RIMS4: variants seen among roughly 807,000 people sequenced by gnomAD.
RIMS4 encodes regulating synaptic membrane exocytosis 4, also known as regulating synaptic membrane exocytosis protein 4.
A neutral mutation model predicts 29.0 loss-of-function variants in RIMS4; 9 were observed. The observed-to-expected ratio is 0.31, with a 90% confidence interval of 0.19 to 0.54. The LOEUF (loss-of-function observed/expected upper bound fraction) is 0.54. RIMS4 is among the 20% of genes least tolerant of loss of function. The probability of loss-of-function intolerance (pLI) is 0.94; values close to 1 mark genes in which losing one functional copy is unlikely to be tolerated. For synonymous variants in RIMS4, 130 were observed against 152.9 expected, an observed-to-expected ratio of 0.85 and a Z score of 1.10; for missense variants, 193 against 365.7, an observed-to-expected ratio of 0.53 and a Z score of 3.85.
In RIMS4 at chr20:44,755,113, T is replaced by C. The variant is rs900382653; in HGVS notation, c.*1021A>G. Reference sequence around the variant, plus strand: ...TGGGTTCTGCCCTTAGTATAGGATGTTTTTTTTAAAAAGACTAAAATAGGG... The same window carrying C: ...TGGGTTCTGCCCTTAGTATAGGATGCTTTTTTTAAAAAGACTAAAATAGGG... On this transcript the variant is annotated 3_prime_UTR_variant, in exon 6 of 6. Coordinates refer to ENST00000372851, the MANE Select transcript of RIMS4 (RefSeq NM_182970.4). 7.9e-5 allele frequency: 12 copies of C among 152,394 alleles called. No individual in the cohort carries two copies. The highest frequency in any genetic ancestry group is 2.0e-4 in the Admixed American group (3 of 15,252). 9.4% of individuals were successfully genotyped at this position (152,394 alleles called of 1,614,324 possible).
At chr20:44,790,558 G>A (rs894986782) in intron 1 of RIMS4, among the ~76,000 whole-genome samples, 9 of 152,196 alleles carry the variant, frequency 5.9e-5, no homozygotes, top group Admixed American at 4.6e-4. Flanking sequence ...ATGTTTACCC[G>A]CTGCCACTCC....
At chr20:44,790,750 G>C (rs2066229294) in intron 1 of RIMS4, among the ~76,000 whole-genome samples, 2 of 152,178 alleles carry the variant, frequency 1.3e-5, no homozygotes, top group Non-Finnish European at 2.9e-5. Context: ...CACCAGGTTG[G>C]AAGGAGACAG....
chr20:44,764,320 A>C (rs1290484072), intron 2 of RIMS4, among the ~76,000 whole-genome samples: 1 of 152,196 alleles, frequency 6.6e-6, no homozygotes, highest in East Asian at 1.9e-4. Flanking sequence ...TACATTTCTA[A>C]AAATTACTGT....
chr20:44,808,538 G>C (rs73288463), intron 1 of RIMS4, among the ~76,000 whole-genome samples: 3 of 152,274 alleles, frequency 2.0e-5, no homozygotes, highest in African/African-American at 7.2e-5. Context: ...GCCTTGTCCA[G>C]AATAATAATA....
At chr20:44,770,405 G>A (rs1238631991) in intron 2 of RIMS4, among the ~76,000 whole-genome samples, 1 of 152,172 alleles carries the variant, frequency 6.6e-6, no homozygotes, top group African/African-American at 2.4e-5. Flanking sequence ...ACAGTTATGA[G>A]AAAAGCATGT....
chr20:44,769,008 C>G (rs545030164), intron 2 of RIMS4, among the ~76,000 whole-genome samples: 7 of 152,238 alleles, frequency 4.6e-5, no homozygotes, highest in Admixed American at 2.0e-4. Flanking sequence ...CTGTTATGTC[C>G]CCTTTCTATA....
At chr20:44,799,951 C>T (rs973093383) in intron 1 of RIMS4, among the ~76,000 whole-genome samples, 1 of 152,228 alleles carries the variant, frequency 6.6e-6, no homozygotes, top group African/African-American at 2.4e-5. Context: ...ATTTATTCAT[C>T]TAATCCTCTT....
chr20:44,792,334 C>T (rs2066236486), intron 1 of RIMS4, among the ~76,000 whole-genome samples: 1 of 151,838 alleles, frequency 6.6e-6, no homozygotes, highest in Non-Finnish European at 1.5e-5. Flanking sequence ...CTCTTGTTGC[C>T]CAGGCTGGAG....
chr20:44,764,718 G>A (rs1415880973), intron 2 of RIMS4, among the ~76,000 whole-genome samples: 1 of 152,170 alleles, frequency 6.6e-6, no homozygotes, highest in Non-Finnish European at 1.5e-5. Flanking sequence ...CATTCACCCA[G>A]TGCTCCTCGT....
intron 1 of RIMS4, among the ~76,000 whole-genome samples, chr20:44,806,644 T>C (rs2066299822): frequency 6.6e-6 from 1 of 152,206 alleles, no homozygotes. Context: ...TTCTCAGTAA[T>C]AAGATAGATA....
In RIMS4 at chr20:44,756,331, C is replaced by G; in HGVS notation, c.613G>C (p.Gly205Arg). 1 of 1,613,930 alleles carries G rather than the reference C, an allele frequency of 6.2e-7. No individual in the cohort carries two copies. The highest frequency in any genetic ancestry group is 8.5e-7 in the Non-Finnish European group (1 of 1,179,952). Residue 205 changes from glycine to arginine, a missense_variant, in exon 6 of 6, where the codon GGG (glycine) becomes CGG (arginine). Transcript: ENST00000372851. This position sits in a 1 kb window ranked among gnomAD's most constrained non-coding sequence, Gnocchi z 5.9. ...ATGAACTGCTTCCGCTCCATCCGCC[C>G]GTAGTTCCCCCACACGATCACCTGT... Reference protein sequence around the residue: ...VLQVIVWGNYGRMERKQFMGV... With the variant: ...VLQVIVWGNYRRMERKQFMGV...
chr20:44,808,676 C>T (rs914258344), intron 1 of RIMS4, among the ~76,000 whole-genome samples: 2 of 152,172 alleles, frequency 1.3e-5, no homozygotes, highest in African/African-American at 4.8e-5. Flanking sequence ...TACCCCCATC[C>T]CCACCTCCAG....
intron 1 of RIMS4, among the ~76,000 whole-genome samples, chr20:44,782,431 A>AT (rs11326949): frequency 6.0e-5 from 9 of 150,698 alleles, no homozygotes; most frequent in East Asian, 1.9e-4. Flanking sequence ...TGCCTGGCTA[A>AT]TTTTTTTTTT....
intron 2 of RIMS4, among the ~76,000 whole-genome samples, chr20:44,763,359 G>A (rs2066094425): frequency 6.6e-6 from 1 of 152,238 alleles, no homozygotes; most frequent in African/African-American, 2.4e-5. Context: ...CTTTAGCACA[G>A]AGGACCTGCT....
chr20:44,810,119 A>C, intron 1 of RIMS4, 56 bp downstream of exon 1: 2 of 1,099,626 alleles, frequency 1.8e-6, no homozygotes, highest in South Asian at 1.4e-5. Flanking sequence ...GGAGGGGGCT[A>C]CCGGACCTGG....
chr20:44,756,433 CCCAATCCAGCTCAGT>C lies in RIMS4; in HGVS notation c.592-96_592-82del. 3 of 1,138,926 alleles carry C rather than the reference CCCAATCCAGCTCAGT, an allele frequency of 2.6e-6. No homozygotes were observed. The South Asian group carries it at 4.1e-5, about 16-fold the overall frequency. 70.6% of individuals were successfully genotyped at this position (1,138,926 alleles called of 1,614,324 possible). On this transcript the variant is annotated intron_variant, in intron 5 of 5. Transcript: ENST00000372851. The surrounding 1 kb of genome is among the most constrained non-coding windows in gnomAD (Gnocchi z 5.9). ...GAAGCAGAACCTGGGTCGCCCCATG[CCCAATCCAGCTCAGT>C]CCTGTGATTTCTACCTCCTTAAAAC...
At chr20:44,771,155 T>C (rs1300026232) in intron 2 of RIMS4, 120 bp downstream of exon 2, 1 of 1,183,744 alleles carries the variant, frequency 8.4e-7, no homozygotes, top group Non-Finnish European at 1.1e-6. Flanking sequence ...CCTGGAGCCC[T>C]GAGCTGGCGC....
rs1568891942 is a variant in RIMS4, at chr20:44,754,330, TAC to T, written c.*1802_*1803del. The stretch of plus-strand genomic sequence containing the variant: ...ATACATTGACCAGAACTTTAAAGAA[TAC>T]CCAGGGTTTCCACAGGCTAAGGGAA... On this transcript the variant is annotated 3_prime_UTR_variant, in exon 6 of 6. Transcript: ENST00000372851. The T allele has an allele frequency of 6.4e-6, 1 of 155,888 alleles. No homozygotes were observed. 9.7% of individuals were successfully genotyped at this position (155,888 alleles called of 1,614,324 possible).
rs117885664 is a variant in RIMS4, at chr20:44,808,982, C to T, written c.97+1193G>A. ...AAGTGCCCATGAAACCATTTTGCTC[C>T]TCAAGCACATACACTCCTCCAGCAC... On this transcript the variant is annotated intron_variant, in intron 1 of 5. Transcript: ENST00000372851. 4.0e-3 allele frequency among the ~76,000 whole-genome samples: 607 copies of T among 152,286 alleles called. 5 individuals carry two copies. The highest frequency in any genetic ancestry group is 5.1e-3 in the Non-Finnish European group (346 of 68,012).
Sources: allele counts gnomAD v4.1 joint callset (sites outside exome capture counted in the v4.1 genomes callset), GRCh38; gene constraint gnomAD v4.1.1; non-coding constraint Gnocchi (gnomAD v3.1); transcripts MANE v1.5; gene names NCBI Gene and HGNC (gene_info 2026-07-23, HGNC 2026-07-21).